SLC2A1: variants seen among roughly 807,000 people sequenced by gnomAD.
SLC2A1 encodes the protein solute carrier family 2, facilitated glucose transporter member 1.
In SLC2A1, 4 loss-of-function variants were observed where a neutral mutation model predicts 46.6. The observed-to-expected ratio is 0.09, with a 90% CI of 0.04 to 0.20. The LOEUF is 0.20. Ranked by LOEUF, SLC2A1 falls within the 10% of genes least tolerant of loss-of-function variation. The probability of loss-of-function intolerance (pLI) is 1.00; values close to 1 mark genes in which losing one functional copy is unlikely to be tolerated. For missense variants in SLC2A1, 352 were observed against 667.0 expected (o/e 0.53, Z 5.20); for synonymous variants, 253 against 270.0 (o/e 0.94, Z 0.62).
At chr1:42,958,327 T>A (rs1643802970) in intron 1 of SLC2A1, among the ~76,000 whole-genome samples, 1 of 151,022 alleles carries the variant, frequency 6.6e-6, no homozygotes, top group Non-Finnish European at 1.5e-5. Context: ...GGGCCCTGTG[T>A]CCCCAGCCCC....
Position 42,925,920 on chromosome 1 carries a change from CAACT to C in SLC2A1, c.*1117_*1120del, listed in dbSNP as rs1327922137. ...ACAAAACTAGTGTTTTTTTGAACAC[CAACT>C]ATCAAATATGTGATAGAAATGCCTT... On this transcript the variant is annotated 3_prime_UTR_variant, in exon 10 of 10. Coordinates refer to ENST00000426263, the MANE Select transcript of SLC2A1 (RefSeq NM_006516.4). 2 of 152,000 alleles carry C rather than the reference CAACT, an allele frequency of 1.3e-5. No individual in the cohort carries two copies. The highest frequency in any genetic ancestry group is 2.4e-5 in the African/African-American group (1 of 41,382). The allele number at this position is 152,000 out of a possible 1,614,324, so 9.4% of individuals were successfully genotyped here. A position where few individuals can be genotyped will look rare whatever the true frequency, so the allele number is the denominator to read the frequency against.
At chr1:42,945,466 T>C (rs951941141) in intron 1 of SLC2A1, among the ~76,000 whole-genome samples, 2 of 151,488 alleles carry the variant, frequency 1.3e-5, no homozygotes, top group African/African-American at 4.9e-5. Context: ...GGGGAGAATA[T>C]ACACATCTAT....
At chr1:42,957,999 C>T (rs1643796409) in intron 1 of SLC2A1, among the ~76,000 whole-genome samples, 1 of 152,228 alleles carries the variant, frequency 6.6e-6, no homozygotes, top group Non-Finnish European at 1.5e-5. Flanking sequence ...TCATCTCAAC[C>T]CCCGCGTTCG....
rs559090534 is a variant in SLC2A1, at chr1:42,926,768, C to T, written c.*273G>A. 7.0e-7 allele frequency: 1 copy of T among 1,426,764 alleles called. No individual in the cohort carries two copies. Among genetic ancestry groups the T allele is most frequent in the African/African-American group, 1.4e-5 (1 of 70,202 alleles). 88.4% of individuals were successfully genotyped at this position (1,426,764 alleles called of 1,614,324 possible). Reference sequence around the variant, plus strand: ...GCCTGGGATGTGGGCACAGGAGACTCAGGCTGATATAAAAATAACAAAATC... The same window carrying T: ...GCCTGGGATGTGGGCACAGGAGACTTAGGCTGATATAAAAATAACAAAATC... On this transcript the variant is annotated 3_prime_UTR_variant, in exon 10 of 10. Transcript: ENST00000426263.
In SLC2A1 at chr1:42,943,319, C is replaced by T; in HGVS notation, c.21G>A (p.Lys7=). The change falls in exon 2 of 10, where the codon AAG becomes AAA. Residue 7 remains lysine, a splice_region_variant and synonymous_variant. Transcript: ENST00000426263. The stretch of plus-strand genomic sequence containing the variant: ...CGGCCAGCATGAGGCGACCCGTCAG[C>T]TTCTGCGGAGAAACAAACCACACTG... MEPSSK[K]LTGRLMLAVG... is the part of the protein sequence containing the mutation. The T allele has an allele frequency of 6.2e-7, 1 of 1,612,942 alleles. No individual in the cohort carries two copies.
chr1:42,937,949 T>C (rs941318558), intron 2 of SLC2A1, among the ~76,000 whole-genome samples: 2 of 152,212 alleles, frequency 1.3e-5, no homozygotes, highest in Non-Finnish European at 2.9e-5. Flanking sequence ...TCACCTCCTC[T>C]GCAGACCAGG....
At chr1:42,952,285 C>G (rs1358442832) in intron 1 of SLC2A1, 1 of 420,546 alleles carries the variant, frequency 2.4e-6, no homozygotes, top group African/African-American at 2.0e-5. Context: ...CACAAATAGC[C>G]CGGGCTTCTA....
intron 1 of SLC2A1, among the ~76,000 whole-genome samples, chr1:42,951,250 G>C (rs1643717043): frequency 6.6e-6 from 1 of 152,174 alleles, no homozygotes; most frequent in African/African-American, 2.4e-5. Flanking sequence ...ATCATGGTGG[G>C]ACATGCCTGT....
At chr1:42,943,467 T>G in intron 1 of SLC2A1, 146 bp from the exon 2 acceptor site, 3 of 719,210 alleles carry the variant, frequency 4.2e-6, no homozygotes, top group Non-Finnish European at 7.4e-6. Context: ...ACTTGGCCAA[T>G]TCCTGACCTT....
Position 42,954,216 on chromosome 1 carries a change from T to C in SLC2A1, c.18+4418A>G, listed in dbSNP as rs1032734614. ...ACAGGCATGTGGAGAAGAAAGCATC[T>C]TTAAAAAAAAAACACAGCTAGGCCA... is the stretch of plus-strand genomic sequence containing the variant. On this transcript the variant is annotated intron_variant, in intron 1 of 9. Transcript: ENST00000426263. This position sits in a 1 kb window ranked among gnomAD's most constrained non-coding sequence, Gnocchi z 4.2. 8.8e-4 allele frequency among the ~76,000 whole-genome samples: 73 copies of C among 82,570 alleles called. No individual in the cohort carries two copies. Among genetic ancestry groups the C allele is most frequent in the African/African-American group, 3.6e-3 (61 of 16,888 alleles). 54.2% of individuals were successfully genotyped at this position (82,570 alleles called of 152,430 possible).
In SLC2A1 at chr1:42,954,530, A is replaced by G. The variant is rs987740422; in HGVS notation, c.18+4104T>C. Among the ~76,000 whole-genome samples the G allele has an allele frequency of 6.6e-6, 1 of 152,212 alleles. No individual in the cohort carries two copies. The highest frequency in any genetic ancestry group is 1.5e-5 in the Non-Finnish European group (1 of 68,040). On this transcript the variant is annotated intron_variant, in intron 1 of 9. Coordinates refer to ENST00000426263, the MANE Select transcript of SLC2A1 (RefSeq NM_006516.4). This position sits in a 1 kb window ranked among gnomAD's most constrained non-coding sequence, Gnocchi z 4.2. ...ACAAGAGCGAAACTCCGTCTCAAAA[A>G]TCAAAACAAAACACAGCTCCATAGA...
chr1:42,940,729 G>A (rs1345555103), intron 2 of SLC2A1, among the ~76,000 whole-genome samples: 3 of 152,138 alleles, frequency 2.0e-5, no homozygotes, highest in Non-Finnish European at 2.9e-5. Flanking sequence ...ATTACAGCGT[G>A]AGCCACATGC....
chr1:42,931,900 G>T (rs1319273522), intron 2 of SLC2A1, among the ~76,000 whole-genome samples: 1 of 150,612 alleles, frequency 6.6e-6, no homozygotes, highest in Non-Finnish European at 1.5e-5. Flanking sequence ...TCCTCACCAT[G>T]TCTCAAAGCC....
At position 42,958,680 on chromosome 1, in the gene SLC2A1, C is replaced by T. The variant is rs1643808614; in HGVS notation, c.-29G>A. ...AGCGCTGCGCTGGTGGCTCTGGCTG[C>T]GCCGGGTACGCGGGTGGCGACGGGC... On this transcript the variant is annotated 5_prime_UTR_variant, in exon 1 of 10. Transcript: ENST00000426263. 1.3e-6 allele frequency: 2 copies of T among 1,534,398 alleles called. No homozygotes were observed.
At chr1:42,958,601 C>G (rs1275062086) in intron 1 of SLC2A1, 33 bp downstream of exon 1, 1 of 1,518,868 alleles carries the variant, frequency 6.6e-7, no homozygotes, top group Admixed American at 2.0e-5. Context: ...CGCCTTTGTT[C>G]CTGGCGGGAG....
At chr1:42,928,387 GT>G (rs1359694726) in intron 8 of SLC2A1, among the ~76,000 whole-genome samples, 1 of 152,174 alleles carries the variant, frequency 6.6e-6, no homozygotes, top group Non-Finnish European at 1.5e-5. Context: ...CTGTGTGTGA[GT>G]GCCAGGCACA....
rs1369280162 is a variant in SLC2A1 at position 42,938,993 on chromosome 1, T to C, written c.114+4233A>G. Among the ~76,000 whole-genome samples the C allele has an allele frequency of 2.6e-5, 4 of 152,254 alleles. No individual in the cohort carries two copies. The East Asian group carries it at 7.7e-4, about 29-fold the overall frequency. On this transcript the variant is annotated intron_variant, in intron 2 of 9. Coordinates refer to ENST00000426263, the MANE Select transcript of SLC2A1 (RefSeq NM_006516.4). ...TCAGACTGTGTCTCAGGCAGCTCCC[T>C]GAGGGCCAGCATGTGCCTGCTGTGT...
At chr1:42,933,500 T>A (rs1373972635) in intron 2 of SLC2A1, among the ~76,000 whole-genome samples, 1 of 152,110 alleles carries the variant, frequency 6.6e-6, no homozygotes, top group East Asian at 1.9e-4. Context: ...GGTGAGGAAA[T>A]GGAGGAATCG....
At position 42,930,068 on chromosome 1, in the gene SLC2A1, C is replaced by T; in HGVS notation, c.517-33G>A. On this transcript the variant is annotated intron_variant, in intron 4 of 9. Coordinates refer to ENST00000426263, the MANE Select transcript of SLC2A1 (RefSeq NM_006516.4). The surrounding 1 kb of genome is among the most constrained non-coding windows in gnomAD (Gnocchi z 6.2). ...AAGCAGGGGCCGTGAGCGCCTCTGC[C>T]CTGACCCCCTTTCCCACCCCGTCCT... 6.2e-7 allele frequency: 1 copy of T among 1,612,062 alleles called. No homozygotes were observed. The highest frequency in any genetic ancestry group is 8.5e-7 in the Non-Finnish European group (1 of 1,179,546).
Sources: allele counts gnomAD v4.1 joint callset (sites outside exome capture counted in the v4.1 genomes callset), GRCh38; gene constraint gnomAD v4.1.1; non-coding constraint Gnocchi (gnomAD v3.1); transcripts MANE v1.5; gene names NCBI Gene and HGNC (gene_info 2026-07-23, HGNC 2026-07-21).